KAZN: variants seen among roughly 807,000 people sequenced by gnomAD.
KAZN encodes the protein kazrin, periplakin interacting protein.
Under a neutral mutation model 87.4 loss-of-function variants are expected in KAZN, and 40 were observed. That is an observed-to-expected ratio of 0.46 (90% confidence interval 0.36 to 0.60). KAZN has a LOEUF of 0.60. KAZN is among the 20% of genes least tolerant of loss of function. The pLI, the probability that KAZN is intolerant of heterozygous loss-of-function variation, is 0.00. For missense variants in KAZN, 898 were observed against 1,073.9 expected, an observed-to-expected ratio of 0.84 and a Z score of 2.29; for synonymous variants, 466 against 458.3, an observed-to-expected ratio of 1.02 and a Z score of -0.22.
At chr1:14,679,188 A>G (rs537288209) in intron 1 of KAZN, among the ~76,000 whole-genome samples, 1 of 152,314 alleles carries the variant, frequency 6.6e-6, no homozygotes, top group East Asian at 1.9e-4. Flanking sequence ...AGAAGCGGGC[A>G]GGCCAGGCCA....
Position 14,788,302 on chromosome 1 carries a change from C to T in KAZN, c.227-172382C>T, listed in dbSNP as rs548829313. ...CTCATCAAATTTCTCCCTCCAGGAGCACGGCCAAAAGACAAATCTGTGGCA... is the reference window on the plus strand; with the variant it reads ...CTCATCAAATTTCTCCCTCCAGGAGTACGGCCAAAAGACAAATCTGTGGCA... On this transcript the variant is annotated intron_variant, in intron 1 of 14. Coordinates refer to ENST00000376030, the MANE Select transcript of KAZN (RefSeq NM_201628.3). Among the ~76,000 whole-genome samples the T allele has an allele frequency of 5.3e-5, 8 of 152,334 alleles. No homozygotes were observed. In the East Asian group the frequency reaches 1.2e-3, roughly 22 times the overall value.
chr1:14,561,612 G>A (rs968988073), intron 2 of KAZN, among the ~76,000 whole-genome samples: 1 of 152,102 alleles, frequency 6.6e-6, no homozygotes, highest in Non-Finnish European at 1.5e-5. Context: ...CTCCCATGTC[G>A]AAAGTTCTGC....
At chr1:14,928,707 C>T (rs909339723) in intron 1 of KAZN, among the ~76,000 whole-genome samples, 2 of 152,192 alleles carry the variant, frequency 1.3e-5, no homozygotes, top group Non-Finnish European at 2.9e-5. Context: ...TTTTACGAAG[C>T]TGCCCACTAG....
intron 2 of KAZN, among the ~76,000 whole-genome samples, chr1:14,485,865 C>G (rs1035112312): frequency 6.7e-6 from 1 of 150,088 alleles, no homozygotes; most frequent in Non-Finnish European, 1.5e-5. Context: ...TGCACTCCAG[C>G]CTGGGCGACA....
At chr1:14,437,337 A>G (rs1666452267) in intron 2 of KAZN, among the ~76,000 whole-genome samples, 1 of 152,214 alleles carries the variant, frequency 6.6e-6, no homozygotes, top group South Asian at 2.1e-4. Context: ...CATTTTCAGA[A>G]CACAGTCGAT....
At chr1:14,389,503 G>A (rs557364870) in intron 2 of KAZN, among the ~76,000 whole-genome samples, 1 of 152,096 alleles carries the variant, frequency 6.6e-6, no homozygotes, top group African/African-American at 2.4e-5. Flanking sequence ...CATACACAAT[G>A]GAGTACTATT....
intron 2 of KAZN, among the ~76,000 whole-genome samples, chr1:14,410,190 G>A (rs531429810): frequency 3.3e-5 from 5 of 152,280 alleles, no homozygotes; most frequent in Admixed American, 6.5e-5. Context: ...TGCAACCTCC[G>A]ACTACCGGGT....
At chr1:14,245,103 AG>A (rs1161047445) in intron 2 of KAZN, among the ~76,000 whole-genome samples, 1 of 151,900 alleles carries the variant, frequency 6.6e-6, no homozygotes, top group East Asian at 1.9e-4. Flanking sequence ...TGAGATTACC[AG>A]TGCCCACCAC....
intron 2 of KAZN, among the ~76,000 whole-genome samples, chr1:14,364,790 CTT>C (rs1467404287): frequency 6.6e-6 from 1 of 152,238 alleles, no homozygotes; most frequent in Non-Finnish European, 1.5e-5. Flanking sequence ...TTCCTTGTCT[CTT>C]TCAGCTCCTG....
intron 1 of KAZN, among the ~76,000 whole-genome samples, chr1:14,147,579 G>C: frequency 6.6e-6 from 1 of 151,906 alleles, no homozygotes; most frequent in Non-Finnish European, 1.5e-5. Context: ...GGATTACAAG[G>C]TCAAGAGATC....
At chr1:14,828,143 C>A (rs1646951879) in intron 1 of KAZN, among the ~76,000 whole-genome samples, 1 of 152,326 alleles carries the variant, frequency 6.6e-6, no homozygotes, top group South Asian at 2.1e-4. Context: ...TCGACAAATG[C>A]TCTATGCCAT....
rs866133382 is a variant in KAZN, at chr1:14,171,156, T to C, written c.92-9279T>C. 2.0e-5 allele frequency among the ~76,000 whole-genome samples: 3 copies of C among 152,242 alleles called. No homozygotes were observed. In the South Asian group the frequency reaches 6.2e-4, roughly 31 times the overall value. ...TGTATAGCTGAATAGTATTCCATTG[T>C]ATGGATATACCACATTTTGTTAGTC... On this transcript the variant is annotated intron_variant, in intron 1 of 16. Coordinates refer to the KAZN transcript ENST00000636203.
At chr1:14,035,399 G>A (rs899531431) in intron 1 of KAZN, among the ~76,000 whole-genome samples, 3 of 151,980 alleles carry the variant, frequency 2.0e-5, no homozygotes, top group Non-Finnish European at 2.9e-5. Flanking sequence ...AGCTAAAGAT[G>A]AATCACCTGC....
intron 2 of KAZN, among the ~76,000 whole-genome samples, chr1:14,369,212 G>C (rs553973699): frequency 1.3e-5 from 2 of 152,140 alleles, no homozygotes; most frequent in Admixed American, 6.5e-5. Context: ...AAATGTTCTC[G>C]ATTTTGTGTG....
chr1:14,278,802 T>C (rs1420971610), intron 2 of KAZN, among the ~76,000 whole-genome samples: 7 of 152,194 alleles, frequency 4.6e-5, no homozygotes. Context: ...TCATTTACGG[T>C]ATAAATGTCC....
chr1:14,323,354 A>G (rs1656183268), intron 2 of KAZN, among the ~76,000 whole-genome samples: 3 of 152,118 alleles, frequency 2.0e-5, no homozygotes, highest in Non-Finnish European at 4.4e-5. Flanking sequence ...AACATTGGTG[A>G]ACAGTATGAA....
At chr1:14,128,387 A>G (rs1557497688) in intron 1 of KAZN, among the ~76,000 whole-genome samples, 1 of 151,668 alleles carries the variant, frequency 6.6e-6, no homozygotes, top group Non-Finnish European at 1.5e-5. Flanking sequence ...GATCCTACAG[A>G]CTGGGTGGCT....
intron 2 of KAZN, among the ~76,000 whole-genome samples, chr1:14,241,075 G>A (rs748688647): frequency 3.3e-5 from 5 of 152,236 alleles, no homozygotes; most frequent in East Asian, 1.9e-4. Context: ...TGAATGCCAC[G>A]TGCTTAGCTC....
chr1:14,412,912 A>G (rs987210594), intron 2 of KAZN, among the ~76,000 whole-genome samples: 4 of 150,298 alleles, frequency 2.7e-5, no homozygotes, highest in Admixed American at 2.7e-4. Context: ...AAATCAACTG[A>G]CTGAAATAGG....
Sources: allele counts gnomAD v4.1 joint callset (sites outside exome capture counted in the v4.1 genomes callset), GRCh38; gene constraint gnomAD v4.1.1; transcripts MANE v1.5; gene names NCBI Gene and HGNC (gene_info 2026-07-23, HGNC 2026-07-21).